EPHB3: variants seen among roughly 807,000 people sequenced by gnomAD.
EPHB3 encodes the protein EPH receptor B3, also known as ephrin type-B receptor 3.
EPHB3 carries 33 observed loss-of-function variants against 100.2 expected under a neutral mutation model. The observed-to-expected ratio is 0.33, with a 90% CI of 0.25 to 0.44. The LOEUF is 0.44. EPHB3 is among the 20% of genes least tolerant of loss of function. The probability of loss-of-function intolerance (pLI) is 1.00; values close to 1 mark genes in which losing one functional copy is unlikely to be tolerated. For synonymous variants in EPHB3, 526 were observed against 554.7 expected (o/e 0.95, Z 0.73); for missense variants, 1,045 against 1,378.3 (o/e 0.76, Z 3.83).
intron 4 of EPHB3, 101 bp downstream of exon 4, chr3:184,576,086 G>T: frequency 1.4e-6 from 2 of 1,436,770 alleles, no homozygotes; most frequent in South Asian, 1.5e-5. Context: ...CATTTTCCAG[G>T]GAAGGAGCTG....
rs773684505 is a variant in EPHB3 at position 184,580,723 on chromosome 3, C to T, written c.2389-6C>T. The T allele has an allele frequency of 6.2e-7, 1 of 1,613,568 alleles. No individual in the cohort carries two copies. The highest frequency in any genetic ancestry group is 8.5e-7 in the Non-Finnish European group (1 of 1,179,720). ...CAGGGTGAAGGGCCTGTGCCCCCCT[C>T]ACCAGGGCGGGAAGATCCCCATCCG... is the stretch of plus-strand genomic sequence containing the variant. On this transcript the variant is annotated splice_region_variant and splice_polypyrimidine_tract_variant and intron_variant, in intron 12 of 15. Coordinates refer to ENST00000330394, the MANE Select transcript of EPHB3 (RefSeq NM_004443.4).
chr3:184,575,647 A>G (rs989627844), intron 3 of EPHB3, among the ~76,000 whole-genome samples, 183 bp from the exon 4 acceptor site: 5 of 152,114 alleles, frequency 3.3e-5, no homozygotes, highest in Admixed American at 3.3e-4. Flanking sequence ...TGGGGTTTCC[A>G]TGGGGCAATA....
chr3:184,580,333 G>GA, intron 11 of EPHB3, 69 bp from the exon 12 acceptor site: 1 of 1,595,202 alleles, frequency 6.3e-7, no homozygotes, highest in Non-Finnish European at 8.6e-7. Context: ...CTCGGAGAGG[G>GA]AAGGCAGGTG....
intron 3 of EPHB3, among the ~76,000 whole-genome samples, chr3:184,574,868 C>G (rs1359948419): frequency 6.6e-6 from 1 of 152,232 alleles, no homozygotes; most frequent in African/African-American, 2.4e-5. Context: ...CTCAAAAGAG[C>G]TAGGGTGGAA....
At chr3:184,575,604 A>AG (rs1714655700) in intron 3 of EPHB3, among the ~76,000 whole-genome samples, 1 of 51,610 alleles carries the variant, frequency 1.9e-5, no homozygotes, top group Non-Finnish European at 4.3e-5. Flanking sequence ...GGTAGGGGTG[A>AG]GGGGGGCAGG....
At chr3:184,576,119 G>A in intron 4 of EPHB3, 134 bp downstream of exon 4, 1 of 1,275,326 alleles carries the variant, frequency 7.8e-7, no homozygotes, top group Non-Finnish European at 1.1e-6. Context: ...GTTAGATGTT[G>A]CGCTCAACAT....
intron 4 of EPHB3, 78 bp from the exon 5 acceptor site, chr3:184,576,764 G>C: frequency 7.2e-7 from 1 of 1,395,374 alleles, no homozygotes; most frequent in Middle Eastern, 1.9e-4. Flanking sequence ...AAGCAGATTG[G>C]AGTGTGCTGG....
rs1256621915 is a variant in EPHB3, at chr3:184,577,638, CCT to C, written c.1480-14_1480-13del. Reference sequence around the variant, plus strand: ...CCTCAGGACCCACCTGAGGGTGCCCCCTCTCTCCTGGCATTGCAGAGCGAGGG... The same window carrying C: ...CCTCAGGACCCACCTGAGGGTGCCCCCTCTCCTGGCATTGCAGAGCGAGGG... On this transcript the variant is annotated intron_variant, in intron 6 of 15. Transcript: ENST00000330394. This position sits in a 1 kb window ranked among gnomAD's most constrained non-coding sequence, Gnocchi z 4.9. 1 of 1,578,450 alleles carries C rather than the reference CCT, an allele frequency of 6.3e-7. No homozygotes were observed. Among genetic ancestry groups the C allele is most frequent in the Non-Finnish European group, 8.6e-7 (1 of 1,157,844 alleles).
rs1577531204 is a variant in EPHB3, at chr3:184,579,126, A to T, written c.1802-351A>T. ...AGGATTGTTTTAGGAAGACAGCGGT[A>T]TGCAGGATAGCTCGGTGGGAAAAGT... On this transcript the variant is annotated intron_variant, in intron 9 of 15. Transcript: ENST00000330394. The surrounding 1 kb of genome is among the most constrained non-coding windows in gnomAD (Gnocchi z 5.2). 6.6e-6 allele frequency among the ~76,000 whole-genome samples: 1 copy of T among 152,150 alleles called. No individual in the cohort carries two copies. Among genetic ancestry groups the T allele is most frequent in the East Asian group, 1.9e-4 (1 of 5,188 alleles).
chr3:184,578,071 T>C lies in EPHB3; in HGVS notation c.1748+65T>C. The C allele has an allele frequency of 6.4e-7, 1 of 1,550,672 alleles. No homozygotes were observed. ...ACTGCCCTTTAGCATCCTAGAGCCCTCATGCCACAGAGATGAGCCGCCACC... is the reference window on the plus strand; with the variant it reads ...ACTGCCCTTTAGCATCCTAGAGCCCCCATGCCACAGAGATGAGCCGCCACC... On this transcript the variant is annotated intron_variant, in intron 8 of 15. Transcript: ENST00000330394. This position sits in a 1 kb window ranked among gnomAD's most constrained non-coding sequence, Gnocchi z 4.7.
In EPHB3 at chr3:184,571,058, C is replaced by T. The variant is rs34135520; in HGVS notation, c.119-260C>T. 0.23 allele frequency among the ~76,000 whole-genome samples: 35,394 copies of T among 151,250 alleles called. 4,438 individuals carry two copies. Among genetic ancestry groups the T allele is most frequent in the East Asian group, 0.31 (1,591 of 5,116 alleles). ...GCAACCTCCGTCTCCCAGGTTCAAGCGATTCTCCTGCCTCAGCCTCCCGAG... is the reference window on the plus strand; with the variant it reads ...GCAACCTCCGTCTCCCAGGTTCAAGTGATTCTCCTGCCTCAGCCTCCCGAG... On this transcript the variant is annotated intron_variant, in intron 1 of 15. Coordinates refer to ENST00000330394, the MANE Select transcript of EPHB3 (RefSeq NM_004443.4). The surrounding 1 kb of genome is among the most constrained non-coding windows in gnomAD (Gnocchi z 5.0).
chr3:184,568,595 C>G (rs1206936476), intron 1 of EPHB3, among the ~76,000 whole-genome samples: 2 of 150,668 alleles, frequency 1.3e-5, no homozygotes, highest in African/African-American at 2.4e-5. Context: ...TTCTATGACC[C>G]CCCCCCCACA....
At chr3:184,580,074 T>C (rs1461436174) in intron 11 of EPHB3, 140 bp downstream of exon 11, 9 of 1,315,490 alleles carry the variant, frequency 6.8e-6, no homozygotes, top group Non-Finnish European at 8.3e-6. Context: ...TGGCAGGGCC[T>C]TCATAGCCAT....
rs1714797499 is a variant in EPHB3 at position 184,580,715 on chromosome 3, G to A, written c.2389-14G>A. 6.2e-7 allele frequency: 1 copy of A among 1,613,134 alleles called. No homozygotes were observed. Among genetic ancestry groups the A allele is most frequent in the Admixed American group, 1.7e-5 (1 of 59,994 alleles). On this transcript the variant is annotated splice_polypyrimidine_tract_variant and intron_variant, in intron 12 of 15. Coordinates refer to ENST00000330394, the MANE Select transcript of EPHB3 (RefSeq NM_004443.4). The stretch of plus-strand genomic sequence containing the variant: ...CGGAGTCACAGGGTGAAGGGCCTGT[G>A]CCCCCCTCACCAGGGCGGGAAGATC...
chr3:184,577,236 G>A lies in EPHB3; in HGVS notation c.1354+53G>A, dbSNP rs1714699423. The A allele has an allele frequency of 1.3e-6, 2 of 1,571,824 alleles. No homozygotes were observed. Among genetic ancestry groups the A allele is most frequent in the African/African-American group, 1.3e-5 (1 of 74,106 alleles). On this transcript the variant is annotated intron_variant, in intron 5 of 15. Coordinates refer to ENST00000330394, the MANE Select transcript of EPHB3 (RefSeq NM_004443.4). The surrounding 1 kb of genome is among the most constrained non-coding windows in gnomAD (Gnocchi z 4.9). ...CCTGGGTCACTTTCTCCTGGATGAG[G>A]TGTCCCAGGACCTGCTAAGGGACCA...
intron 3 of EPHB3, among the ~76,000 whole-genome samples, chr3:184,574,242 A>G (rs913246422): frequency 2.0e-5 from 3 of 152,184 alleles, no homozygotes; most frequent in Non-Finnish European, 4.4e-5. Flanking sequence ...TATTGTATAC[A>G]TGAGGAGTTC....
Position 184,579,219 on chromosome 3 carries a change from G to A in EPHB3, c.1802-258G>A, listed in dbSNP as rs1000251018. On this transcript the variant is annotated intron_variant, in intron 9 of 15. Coordinates refer to ENST00000330394, the MANE Select transcript of EPHB3 (RefSeq NM_004443.4). This position sits in a 1 kb window ranked among gnomAD's most constrained non-coding sequence, Gnocchi z 5.2. ...GAGTGTTGAAGGCCTGGACAAGGTC[G>A]GGGCAGTGGGAACCAGGGGAGGCAT... Among the ~76,000 whole-genome samples, 1 of 152,144 alleles carries A rather than the reference G, an allele frequency of 6.6e-6. No homozygotes were observed. The highest frequency in any genetic ancestry group is 6.5e-5 in the Admixed American group (1 of 15,280).
Position 184,561,941 on chromosome 3 carries a change from GC to G in EPHB3, c.-289del, listed in dbSNP as rs1249860958. ...CACCTGCACCCTCCTGCCCCGGCCC[GC>G]CCCCCAAGTCCTCAGGCACCCAGCT... On this transcript the variant is annotated 5_prime_UTR_variant, in exon 1 of 16. Coordinates refer to ENST00000330394, the MANE Select transcript of EPHB3 (RefSeq NM_004443.4). 6.4e-6 allele frequency: 1 copy of G among 155,928 alleles called. No individual in the cohort carries two copies. Among genetic ancestry groups the G allele is most frequent in the Non-Finnish European group, 1.4e-5 (1 of 71,070 alleles). 9.7% of individuals were successfully genotyped at this position (155,928 alleles called of 1,614,324 possible).
At chr3:184,580,911 G>C in intron 13 of EPHB3, 33 bp downstream of exon 13, 1 of 1,608,252 alleles carries the variant, frequency 6.2e-7, no homozygotes, top group Middle Eastern at 1.7e-4. Context: ...GGTTGGGTAG[G>C]TGGGTGCTGG....
Sources: gnomAD v4.1 joint callset for allele counts (sites outside exome capture counted in the v4.1 genomes callset) on GRCh38, gnomAD v4.1.1 for gene constraint, Gnocchi (gnomAD v3.1) non-coding constraint, MANE v1.5 for transcripts, NCBI Gene and HGNC (gene_info 2026-07-23, HGNC 2026-07-21) for gene names.